The following GRIK1 variants were observed in gnomAD, a reference collection of about 807,000 sequenced individuals.
GRIK1 encodes glutamate receptor ionotropic, kainate 1.
Under a neutral mutation model 105.7 loss-of-function variants are expected in GRIK1, and 69 were observed. That is an observed-to-expected ratio of 0.65 (90% CI 0.54 to 0.80). The LOEUF is 0.80. Ranked by LOEUF, GRIK1 falls within the 30% of genes least tolerant of loss-of-function variation. The probability of loss-of-function intolerance (pLI) is 0.00; values close to 1 mark genes in which losing one functional copy is unlikely to be tolerated. For synonymous variants in GRIK1, 438 were observed against 431.3 expected (o/e 1.02, Z -0.19); for missense variants, 1,109 against 1,167.3 (o/e 0.95, Z 0.73).
chr21:29,928,797 C>T (rs892497830), intron 1 of GRIK1, among the ~76,000 whole-genome samples: 1 of 152,198 alleles, frequency 6.6e-6, no homozygotes, highest in Non-Finnish European at 1.5e-5. Flanking sequence ...CCTAGTGGAA[C>T]AAGCTACACC....
chr21:29,863,922 G>GT (rs1192822534), intron 1 of GRIK1, among the ~76,000 whole-genome samples: 1 of 151,906 alleles, frequency 6.6e-6, no homozygotes, highest in Non-Finnish European at 1.5e-5. Context: ...TATTAGTTCG[G>GT]TTTTTTCCCT....
intron 1 of GRIK1, among the ~76,000 whole-genome samples, chr21:29,920,127 G>GGTTTGTGT (rs2071143181): frequency 3.3e-5 from 5 of 151,626 alleles, no homozygotes; most frequent in African/African-American, 1.2e-4. Context: ...TTTGCTCACA[G>GGTTTGTGT]TCTCTCAGGG....
At chr21:29,792,719 G>A (rs567454992) in intron 1 of GRIK1, among the ~76,000 whole-genome samples, 12 of 152,326 alleles carry the variant, frequency 7.9e-5, no homozygotes, top group Non-Finnish European at 1.5e-4. Flanking sequence ...AAGGCATGGT[G>A]TGGACTCACT....
Position 29,651,197 on chromosome 21 carries a change from G to A in GRIK1, c.875C>T (p.Ser292Phe), listed in dbSNP as rs1451224497. 1.2e-6 allele frequency: 2 copies of A among 1,613,472 alleles called. No individual in the cohort carries two copies. Among genetic ancestry groups the A allele is most frequent in the Non-Finnish European group, 1.7e-6 (2 of 1,179,386 alleles). ...CTCCATGGACCACTTCTCAATGATG[G>A]ATGACACGTGAGGGTTGTCAATGTT... ...LLNIDNPHVS[S>F]IIEKWSMERL... is the part of the protein sequence containing the mutation. The change falls in exon 6 of 18, where the codon TCC (serine) becomes TTC (phenylalanine). Residue 292 changes from serine to phenylalanine, a missense_variant. Around this residue, in one of 5 missense-constraint regions of GRIK1, gnomAD observed 612 missense variants for 586.0 expected, o/e 1.04. Coordinates refer to ENST00000327783, the MANE Select transcript of GRIK1 (RefSeq NM_001330994.2).
intron 1 of GRIK1, among the ~76,000 whole-genome samples, chr21:29,751,427 T>G (rs1174674692): frequency 6.6e-6 from 1 of 152,180 alleles, no homozygotes; most frequent in Non-Finnish European, 1.5e-5. Context: ...GGACCTTTTT[T>G]CCAGATCACC....
chr21:29,912,495 C>G (rs1374442070), intron 1 of GRIK1, among the ~76,000 whole-genome samples: 1 of 152,064 alleles, frequency 6.6e-6, no homozygotes, highest in African/African-American at 2.4e-5. Flanking sequence ...GCCAGAAGCC[C>G]CTCTCAGGTT....
intron 14 of GRIK1, among the ~76,000 whole-genome samples, chr21:29,573,775 G>A (rs1046925246): frequency 7.9e-5 from 12 of 151,856 alleles, no homozygotes; most frequent in East Asian, 1.9e-4. Flanking sequence ...CTTGAACCCG[G>A]GAGGAGGAGG....
rs1001408339 is a variant in GRIK1 at position 29,633,334 on chromosome 21, A to G, written c.1098+9492T>C. Among the ~76,000 whole-genome samples the G allele has an allele frequency of 5.3e-4, 81 of 152,114 alleles. 1 individual carries two copies. Among genetic ancestry groups the G allele is most frequent in the Admixed American group, 5.2e-3 (80 of 15,272 alleles). On this transcript the variant is annotated intron_variant, in intron 7 of 17. Transcript: ENST00000327783. Reference sequence around the variant, plus strand: ...GCCAACATGGTGAAACCCCATCTCTATTAAAAATACAAAAATTAGCCAGGC... The same window carrying G: ...GCCAACATGGTGAAACCCCATCTCTGTTAAAAATACAAAAATTAGCCAGGC...
chr21:29,813,104 C>T (rs1349890970), intron 1 of GRIK1, among the ~76,000 whole-genome samples: 1 of 152,076 alleles, frequency 6.6e-6, no homozygotes, highest in African/African-American at 2.4e-5. Flanking sequence ...GCATGCAATA[C>T]TCCTCTTTTC....
intron 1 of GRIK1, among the ~76,000 whole-genome samples, chr21:29,709,488 C>G (rs1383157912): frequency 6.6e-6 from 1 of 151,830 alleles, no homozygotes; most frequent in Non-Finnish European, 1.5e-5. Context: ...ACCATGTTGG[C>G]CAGGCTGGTC....
chr21:29,596,170 A>G lies in GRIK1; in HGVS notation c.1251+356T>C, dbSNP rs1271328958. On this transcript the variant is annotated intron_variant, in intron 9 of 17. Transcript: ENST00000327783. ...TCTATTGTGATTTTTATCCCCCTTA[A>G]GGAAAATATTTAGTGATTTGAGAAG... The G allele has an allele frequency of 2.7e-5, 10 of 376,266 alleles. No homozygotes were observed. In the East Asian group the frequency reaches 6.7e-4, roughly 25 times the overall value. 23.3% of individuals were successfully genotyped at this position (376,266 alleles called of 1,614,324 possible). A position where few individuals can be genotyped will look rare whatever the true frequency, so the allele number is the denominator to read the frequency against.
At chr21:29,609,093 T>C (rs563234971) in intron 7 of GRIK1, among the ~76,000 whole-genome samples, 1 of 149,328 alleles carries the variant, frequency 6.7e-6, no homozygotes, top group Non-Finnish European at 1.5e-5. Flanking sequence ...TTTAATAAGA[T>C]ATTATTAAAT....
intron 12 of GRIK1, among the ~76,000 whole-genome samples, chr21:29,584,381 C>T (rs866766502): frequency 6.6e-6 from 1 of 151,994 alleles, no homozygotes; most frequent in Non-Finnish European, 1.5e-5. Flanking sequence ...AAAATGTAAG[C>T]AGACATTCTA....
intron 2 of GRIK1, among the ~76,000 whole-genome samples, chr21:29,691,421 T>C (rs1483456041): frequency 6.6e-6 from 1 of 152,234 alleles, no homozygotes; most frequent in Non-Finnish European, 1.5e-5. Flanking sequence ...TCTCTGAATC[T>C]TGTGCTACTT....
At position 29,894,594 on chromosome 21, in the gene GRIK1, C is replaced by A. The variant is rs536871537; in HGVS notation, c.118+44789G>T. ...TGACTCAAATGTTAATCTCCTTTGG[C>A]GACACCCACACAGACATGCCCAGAA... On this transcript the variant is annotated intron_variant, in intron 1 of 17. Coordinates refer to ENST00000327783, the MANE Select transcript of GRIK1 (RefSeq NM_001330994.2). 2.6e-5 allele frequency among the ~76,000 whole-genome samples: 4 copies of A among 152,126 alleles called. No individual in the cohort carries two copies. The South Asian group carries it at 8.3e-4, about 32-fold the overall frequency.
intron 1 of GRIK1, among the ~76,000 whole-genome samples, chr21:29,720,277 A>T (rs2064287399): frequency 6.6e-6 from 1 of 152,120 alleles, no homozygotes; most frequent in Non-Finnish European, 1.5e-5. Flanking sequence ...GACTTACTTT[A>T]TTCTATGCTG....
Position 29,537,178 on chromosome 21 carries a change from C to G in GRIK1, c.*52G>C. 7.2e-7 allele frequency: 1 copy of G among 1,383,434 alleles called. No individual in the cohort carries two copies. Among genetic ancestry groups the G allele is most frequent in the Non-Finnish European group, 9.8e-7 (1 of 1,020,462 alleles). 85.7% of individuals were successfully genotyped at this position (1,383,434 alleles called of 1,614,324 possible). A position where few individuals can be genotyped will look rare whatever the true frequency, so the allele number is the denominator to read the frequency against. On this transcript the variant is annotated 3_prime_UTR_variant, in exon 18 of 18. Coordinates refer to ENST00000327783, the MANE Select transcript of GRIK1 (RefSeq NM_001330994.2). ...ACACACTCCTCAGAAATCCTTTCTCCAAAAATCTGTAGGGAATGCATCCTT... is the reference window on the plus strand; with the variant it reads ...ACACACTCCTCAGAAATCCTTTCTCGAAAAATCTGTAGGGAATGCATCCTT...
chr21:29,766,538 G>A (rs1228848130), intron 1 of GRIK1, among the ~76,000 whole-genome samples: 1 of 152,138 alleles, frequency 6.6e-6, no homozygotes, highest in Non-Finnish European at 1.5e-5. Flanking sequence ...CAAAGCTTTT[G>A]ATAACACCAA....
At chr21:29,735,945 A>T (rs1210343916) in intron 1 of GRIK1, among the ~76,000 whole-genome samples, 1 of 152,238 alleles carries the variant, frequency 6.6e-6, no homozygotes, top group Non-Finnish European at 1.5e-5. Context: ...AAGCAAGGTC[A>T]TAACATATAA....
Sources: allele counts gnomAD v4.1 joint callset (sites outside exome capture counted in the v4.1 genomes callset), GRCh38; gene constraint gnomAD v4.1.1; regional missense constraint gnomAD v4.1.1; transcripts MANE v1.5; gene names NCBI Gene and HGNC (gene_info 2026-07-23, HGNC 2026-07-21).